CSMD1: variants seen among roughly 807,000 people sequenced by gnomAD.
CSMD1 encodes the protein CUB and sushi domain-containing protein 1.
In CSMD1, 213 loss-of-function variants were observed where a neutral mutation model predicts 417.5. The observed-to-expected ratio is 0.51, with a 90% confidence interval of 0.46 to 0.57. The LOEUF is 0.57. Among genes scored for constraint, CSMD1 ranks in the 20% least tolerant of loss-of-function variants. CSMD1 has a pLI of 0.00. For missense variants in CSMD1, 6,923 were observed against 4,529.7 expected, an observed-to-expected ratio of 1.53 and a Z score of -15.17; for synonymous variants, 2,862 against 1,736.8, an observed-to-expected ratio of 1.65 and a Z score of -16.11.
At chr8:3,687,569 C>T (rs533749244) in intron 7 of CSMD1, among the ~76,000 whole-genome samples, 25 of 152,238 alleles carry the variant, frequency 1.6e-4, no homozygotes, top group African/African-American at 5.8e-4. Context: ...ATTTTTCTTC[C>T]AGTTTCAATG....
At chr8:3,540,428 C>A (rs1156290953) in intron 10 of CSMD1, among the ~76,000 whole-genome samples, 3 of 152,030 alleles carry the variant, frequency 2.0e-5, no homozygotes, top group South Asian at 2.1e-4. Context: ...CTATAAAAAC[C>A]CTAGAATAAA....
chr8:3,570,488 A>G (rs148855047), intron 10 of CSMD1, among the ~76,000 whole-genome samples: 140 of 152,308 alleles, frequency 9.2e-4, no homozygotes, highest in African/African-American at 3.3e-3. Context: ...AAACATGACC[A>G]AATCGGGAAC....
At chr8:4,802,350 C>T (rs200065283) in intron 1 of CSMD1, among the ~76,000 whole-genome samples, 6,283 of 138,564 alleles carry the variant, frequency 0.045, 259 homozygotes, top group East Asian at 0.23. Flanking sequence ...AGTGTGTGCG[C>T]GCGTGTGTGT....
intron 3 of CSMD1, among the ~76,000 whole-genome samples, chr8:4,404,263 A>C (rs976652120): frequency 3.7e-4 from 56 of 152,102 alleles, no homozygotes; most frequent in African/African-American, 1.3e-3. Flanking sequence ...CTATATATTT[A>C]TGTCATCTAT....
intron 7 of CSMD1, among the ~76,000 whole-genome samples, chr8:3,695,561 A>G (rs1390604264): frequency 1.3e-5 from 2 of 152,208 alleles, no homozygotes; most frequent in East Asian, 3.9e-4. Flanking sequence ...TCCACCAAAT[A>G]AAAGAATAAT....
At chr8:3,843,238 C>G (rs1036793162) in intron 5 of CSMD1, among the ~76,000 whole-genome samples, 6 of 152,122 alleles carry the variant, frequency 3.9e-5, no homozygotes, top group African/African-American at 1.4e-4. Context: ...AACACAAAAT[C>G]ATCTGCTGAT....
At chr8:3,270,765 G>A (rs1801786166) in intron 26 of CSMD1, among the ~76,000 whole-genome samples, 1 of 152,122 alleles carries the variant, frequency 6.6e-6, no homozygotes, top group South Asian at 2.1e-4. Context: ...ATTTGTATTA[G>A]TCTGTTTTCA....
intron 3 of CSMD1, among the ~76,000 whole-genome samples, chr8:4,115,089 A>G (rs115481083): frequency 6.6e-6 from 1 of 152,240 alleles, no homozygotes; most frequent in Non-Finnish European, 1.5e-5. Flanking sequence ...GTCAAACGGA[A>G]TTGAAACCTA....
rs1585306200 is a variant in CSMD1 at position 3,083,664 on chromosome 8, T to TTA, written c.7474+3432_7474+3433insTA. ...TATATATATATTTTTTTTTTTTTTT[T>TTA]TTTTTTTTTTTTTTTTGGTCTCATT... On this transcript the variant is annotated intron_variant, in intron 49 of 69. Coordinates refer to ENST00000635120, the MANE Select transcript of CSMD1 (RefSeq NM_033225.6). 3.7e-5 allele frequency among the ~76,000 whole-genome samples: 3 copies of TTA among 81,090 alleles called. No homozygotes were observed. In the South Asian group the frequency reaches 1.4e-3, roughly 38 times the overall value. 53.2% of individuals were successfully genotyped at this position (81,090 alleles called of 152,430 possible).
chr8:4,935,947 G>A (rs1320145378), intron 1 of CSMD1, among the ~76,000 whole-genome samples: 1 of 152,174 alleles, frequency 6.6e-6, no homozygotes, highest in Non-Finnish European at 1.5e-5. Flanking sequence ...AGAACAGTTA[G>A]TACTTACACT....
At chr8:3,958,831 G>C (rs1488862961) in intron 5 of CSMD1, among the ~76,000 whole-genome samples, 2 of 152,204 alleles carry the variant, frequency 1.3e-5, no homozygotes, top group Non-Finnish European at 2.9e-5. Flanking sequence ...ATCTGCAGAG[G>C]AAATTGTGTA....
At chr8:4,338,393 AG>A (rs1800293468) in intron 3 of CSMD1, among the ~76,000 whole-genome samples, 1 of 152,136 alleles carries the variant, frequency 6.6e-6, no homozygotes, top group African/African-American at 2.4e-5. Flanking sequence ...ATTACGTAAA[AG>A]TACATACTAG....
intron 1 of CSMD1, among the ~76,000 whole-genome samples, chr8:4,716,553 T>A (rs1004841203): frequency 6.6e-6 from 1 of 152,200 alleles, no homozygotes; most frequent in African/African-American, 2.4e-5. Flanking sequence ...ACAGATAAAT[T>A]TTAGGCACAG....
chr8:4,540,461 G>A (rs973519748), intron 2 of CSMD1, among the ~76,000 whole-genome samples: 3 of 152,144 alleles, frequency 2.0e-5, no homozygotes, highest in African/African-American at 7.2e-5. Context: ...CCAGGACTTA[G>A]GGGAGGCTGA....
chr8:3,253,087 C>T (rs997485154), intron 26 of CSMD1, among the ~76,000 whole-genome samples: 2 of 151,944 alleles, frequency 1.3e-5, no homozygotes, highest in Admixed American at 1.3e-4. Flanking sequence ...AGTATGTTTG[C>T]TCTTGGTTCT....
chr8:4,162,620 A>C (rs1481070778), intron 3 of CSMD1, among the ~76,000 whole-genome samples: 1 of 152,180 alleles, frequency 6.6e-6, no homozygotes, highest in Non-Finnish European at 1.5e-5. Context: ...GGTTCACAAA[A>C]AACATTGAGT....
At chr8:3,296,906 T>G (rs1804014129) in intron 25 of CSMD1, among the ~76,000 whole-genome samples, 1 of 152,146 alleles carries the variant, frequency 6.6e-6, no homozygotes, top group South Asian at 2.1e-4. Flanking sequence ...AGGTAGCTGT[T>G]CACGTAAGTT....
chr8:3,479,315 T>C (rs1817602312), intron 11 of CSMD1, among the ~76,000 whole-genome samples: 1 of 152,138 alleles, frequency 6.6e-6, no homozygotes, highest in African/African-American at 2.4e-5. Context: ...AGTTTCACTC[T>C]TGTCACCCAG....
intron 30 of CSMD1, among the ~76,000 whole-genome samples, chr8:3,210,477 T>A (rs1401487592): frequency 1.3e-5 from 2 of 148,874 alleles, no homozygotes; most frequent in Non-Finnish European, 3.0e-5. Context: ...GGAATATACA[T>A]ATATAGGAAT....
Sources: gnomAD v4.1 joint callset for allele counts (sites outside exome capture counted in the v4.1 genomes callset) on GRCh38, gnomAD v4.1.1 for gene constraint, MANE v1.5 for transcripts, NCBI Gene and HGNC (gene_info 2026-07-23, HGNC 2026-07-21) for gene names.